The following FHOD3 variants were observed in gnomAD, a reference collection of about 807,000 sequenced individuals.
FHOD3 encodes FH1/FH2 domain-containing protein 3.
Under a neutral mutation model 173.0 loss-of-function variants are expected in FHOD3, and 90 were observed. That is an observed-to-expected ratio of 0.52 (90% CI 0.44 to 0.62). The LOEUF is 0.62. Ranked by LOEUF, FHOD3 falls within the 20% of genes least tolerant of loss-of-function variation. The pLI is 0.00. For synonymous variants in FHOD3, 828 were observed against 823.0 expected (o/e 1.01, Z -0.10); for missense variants, 1,945 against 2,034.7 (o/e 0.96, Z 0.85).
intron 5 of FHOD3, among the ~76,000 whole-genome samples, chr18:36,538,990 A>T (rs1403456882): frequency 6.6e-6 from 1 of 152,234 alleles, no homozygotes; most frequent in Non-Finnish European, 1.5e-5. Flanking sequence ...ACTGGTGAAG[A>T]GTACCTGGGA....
chr18:36,720,744 C>G (rs1311744474), intron 19 of FHOD3, among the ~76,000 whole-genome samples: 1 of 147,260 alleles, frequency 6.8e-6, no homozygotes, highest in Non-Finnish European at 1.5e-5. Flanking sequence ...TTCTCCTCCT[C>G]CTTCTTCTCC....
rs774409737 is a variant in FHOD3, at chr18:36,355,640, C to G, written c.267C>G (p.Asp89Glu). Residue 89 changes from aspartate (D) to glutamate (E), a missense_variant, in exon 2 of 29, where the codon GAC (aspartate) becomes GAG (glutamate). Physicochemically the swap from Asp to Glu is conservative, Grantham distance 45. Coordinates refer to ENST00000590592, the MANE Select transcript of FHOD3 (RefSeq NM_001281740.3). ...QRDELEGFQD[D>E]AGRGKKHSII... Reference sequence around the variant, plus strand: ...ATGAGTTGGAAGGCTTCCAGGATGACGCCGGGTAAGAGCAACTGTTCACCC... The same window carrying G: ...ATGAGTTGGAAGGCTTCCAGGATGAGGCCGGGTAAGAGCAACTGTTCACCC... 1 of 1,613,700 alleles carries G rather than the reference C, an allele frequency of 6.2e-7. No homozygotes were observed. Among genetic ancestry groups the G allele is most frequent in the African/African-American group, 1.3e-5 (1 of 74,904 alleles).
intron 16 of FHOD3, among the ~76,000 whole-genome samples, chr18:36,690,473 C>T (rs1278149048): frequency 6.6e-6 from 1 of 152,186 alleles, no homozygotes; most frequent in East Asian, 1.9e-4. Flanking sequence ...AGATCAAGTA[C>T]TATTGGGCCC....
intron 3 of FHOD3, among the ~76,000 whole-genome samples, chr18:36,459,802 T>C (rs1369494192): frequency 6.6e-6 from 1 of 152,196 alleles, no homozygotes; most frequent in East Asian, 1.9e-4. Flanking sequence ...GCTGGTACTT[T>C]TGTCACAATT....
intron 3 of FHOD3, among the ~76,000 whole-genome samples, chr18:36,472,877 G>C (rs1286935039): frequency 6.6e-6 from 1 of 152,086 alleles, no homozygotes; most frequent in Admixed American, 6.6e-5. Flanking sequence ...AACATTGAAG[G>C]GGCATAAAGA....
intron 14 of FHOD3, among the ~76,000 whole-genome samples, chr18:36,666,288 A>T (rs2037176622): frequency 6.6e-6 from 1 of 152,224 alleles, no homozygotes. Flanking sequence ...TGTCTTCAGG[A>T]TTGTAGCAGT....
At chr18:36,615,142 G>T (rs560315317) in intron 9 of FHOD3, among the ~76,000 whole-genome samples, 1 of 152,026 alleles carries the variant, frequency 6.6e-6, no homozygotes, top group Non-Finnish European at 1.5e-5. Context: ...GAGCCACCGC[G>T]CCCAGCCTTG....
chr18:36,323,954 AAG>A (rs2044534949), intron 1 of FHOD3, among the ~76,000 whole-genome samples: 1 of 152,244 alleles, frequency 6.6e-6, no homozygotes, highest in Non-Finnish European at 1.5e-5. Context: ...ACCCTAAAAA[AAG>A]GGAAAATTAT....
chr18:36,572,594 C>T (rs1447760809), intron 5 of FHOD3, among the ~76,000 whole-genome samples: 1 of 152,202 alleles, frequency 6.6e-6, no homozygotes. Flanking sequence ...TGATGCACCT[C>T]TTCCAGTATG....
chr18:36,524,375 G>C (rs1341094227), intron 5 of FHOD3, among the ~76,000 whole-genome samples: 1 of 152,020 alleles, frequency 6.6e-6, no homozygotes, highest in Non-Finnish European at 1.5e-5. Flanking sequence ...GCTAGTGTTA[G>C]TTTATATTCA....
chr18:36,720,546 C>A (rs994069720), intron 19 of FHOD3, among the ~76,000 whole-genome samples: 14 of 152,016 alleles, frequency 9.2e-5, no homozygotes, highest in Non-Finnish European at 1.6e-4. Flanking sequence ...CCTCCCCCTT[C>A]CAATTCTTAT....
intron 28 of FHOD3, among the ~76,000 whole-genome samples, chr18:36,771,012 G>A (rs1421985169): frequency 1.3e-5 from 2 of 152,050 alleles, no homozygotes; most frequent in African/African-American, 4.8e-5. Flanking sequence ...CAATATCTAA[G>A]GCCTTTACAT....
chr18:36,740,716 G>A lies in FHOD3; in HGVS notation c.3637G>A (p.Ala1213Thr), dbSNP rs201152499. The change falls in exon 21 of 29, where the codon GCC (alanine) becomes ACC (threonine). Residue 1213 changes from alanine to threonine, a missense_variant. This residue lies in a region of FHOD3 where 231 missense variants were observed against 321.9 expected (regional missense o/e 0.72). Coordinates refer to ENST00000590592, the MANE Select transcript of FHOD3 (RefSeq NM_001281740.3). ...GCAGAAAATCCAGGAAGCTCAGCTG[G>A]CCAACCCTGAAATCCCCCTGGGCAG... ...EKQKIQEAQLANPEIPLGSAE... is the reference protein window; with the variant it reads ...EKQKIQEAQLTNPEIPLGSAE... 3.2e-5 allele frequency: 52 copies of A among 1,613,828 alleles called. 1 individual carries two copies. The highest frequency in any genetic ancestry group is 1.0e-4 in the Admixed American group (6 of 59,970).
chr18:36,769,547 T>C, intron 28 of FHOD3, 121 bp downstream of exon 28: 1 of 1,277,078 alleles, frequency 7.8e-7, no homozygotes, highest in Non-Finnish European at 1.1e-6. Context: ...CCAGAGTGCC[T>C]ACTTGCACTC....
chr18:36,736,596 T>G (rs2041645135), intron 20 of FHOD3, among the ~76,000 whole-genome samples: 1 of 152,208 alleles, frequency 6.6e-6, no homozygotes, highest in African/African-American at 2.4e-5. Context: ...GAAGCAATGC[T>G]GTCAAGCCAT....
chr18:36,409,876 ACCTAATATGTTG>A (rs1310651228), intron 3 of FHOD3, among the ~76,000 whole-genome samples: 1 of 152,038 alleles, frequency 6.6e-6, no homozygotes, highest in Non-Finnish European at 1.5e-5. Flanking sequence ...CCCTCTGTTG[ACCTAATATGTTG>A]CTGTTGGAGA....
intron 2 of FHOD3, among the ~76,000 whole-genome samples, chr18:36,363,297 A>G (rs1379759373): frequency 1.3e-5 from 2 of 152,334 alleles, no homozygotes; most frequent in Admixed American, 6.5e-5. Context: ...GCTTCTGGGT[A>G]TTTACCCAAA....
chr18:36,642,350 T>C (rs1356576734), intron 10 of FHOD3, among the ~76,000 whole-genome samples: 5 of 152,182 alleles, frequency 3.3e-5, no homozygotes, highest in African/African-American at 1.2e-4. Flanking sequence ...CCAGGCGCAG[T>C]GGTTCATGCC....
At chr18:36,439,543 G>A (rs1403302937) in intron 3 of FHOD3, among the ~76,000 whole-genome samples, 2 of 151,644 alleles carry the variant, frequency 1.3e-5, no homozygotes, top group African/African-American at 4.9e-5. Flanking sequence ...GTGTGTGTGT[G>A]TGTGTGTGTG....
Sources: allele counts gnomAD v4.1 joint callset (sites outside exome capture counted in the v4.1 genomes callset), GRCh38; gene constraint gnomAD v4.1.1; regional missense constraint gnomAD v4.1.1; transcripts MANE v1.5; gene names NCBI Gene and HGNC (gene_info 2026-07-23, HGNC 2026-07-21).